RLF: variants seen among roughly 807,000 people sequenced by gnomAD.
The protein encoded by RLF is RLF zinc finger, also known as zinc finger protein Rlf.
Under a neutral mutation model 162.9 loss-of-function variants are expected in RLF, and 7 were observed. That is an observed-to-expected ratio of 0.04 (90% CI 0.02 to 0.08). The LOEUF is 0.08. Ranked by LOEUF, RLF falls within the 10% of genes least tolerant of loss-of-function variation. The pLI is 1.00. For missense variants in RLF, 1,664 were observed against 2,244.7 expected, an observed-to-expected ratio of 0.74 and a Z score of 5.23; for synonymous variants, 782 against 791.5, an observed-to-expected ratio of 0.99 and a Z score of 0.20.
chr1:40,206,128 A>T (rs982857222), intron 5 of RLF, among the ~76,000 whole-genome samples: 3 of 152,114 alleles, frequency 2.0e-5, no homozygotes, highest in African/African-American at 7.2e-5. Flanking sequence ...CAGATTTAAC[A>T]TGTCCGTAAC....
At chr1:40,215,414 G>C (rs1249148635) in intron 5 of RLF, among the ~76,000 whole-genome samples, 3 of 151,938 alleles carry the variant, frequency 2.0e-5, no homozygotes, top group African/African-American at 7.3e-5. Context: ...AATTTTAAAG[G>C]ATTGAAATAC....
chr1:40,178,619 GTTTTTTTTTTTTGTTT>G (rs1485105512), intron 1 of RLF, among the ~76,000 whole-genome samples: 2 of 85,622 alleles, frequency 2.3e-5, no homozygotes, highest in African/African-American at 4.4e-5. Context: ...TGTCTTTGGT[GTTTTTTTTTTTTGTTT>G]TTTTTTTTTT....
Position 40,237,424 on chromosome 1 carries a change from A to G in RLF, c.2722A>G (p.Met908Val), listed in dbSNP as rs140126274. The G allele has an allele frequency of 6.2e-6, 10 of 1,613,734 alleles. No homozygotes were observed. In the East Asian group the frequency reaches 8.9e-5, roughly 14 times the overall value. ...GTTAAGTCATAGCTCTTCAGCTTCA[A>G]TGAATGAAGAGCTAATTGACACACT... ...DQLSHSSSAS[M>V]NEELIDTLDH... The change falls in exon 8 of 8, where the codon ATG (methionine) becomes GTG (valine). Residue 908 changes from methionine to valine, a missense_variant. Physicochemically the swap from Met to Val is conservative, Grantham distance 21. Transcript: ENST00000372771. The surrounding 1 kb of genome is among the most constrained non-coding windows in gnomAD (Gnocchi z 4.4).
At position 40,161,755 on chromosome 1, in the gene RLF, G is replaced by A; in HGVS notation, c.237+119G>A. 7.2e-7 allele frequency: 1 copy of A among 1,390,842 alleles called. No individual in the cohort carries two copies. The highest frequency in any genetic ancestry group is 9.5e-7 in the Non-Finnish European group (1 of 1,050,618). The allele number at this position is 1,390,842 out of a possible 1,614,324, so 86.2% of individuals were successfully genotyped here. Reference sequence around the variant, plus strand: ...AGGCGCCACCTCCGTGACTCGCCGCGCCCCCGGGCCGGGAAGGCCCAGCTC... The same window carrying A: ...AGGCGCCACCTCCGTGACTCGCCGCACCCCCGGGCCGGGAAGGCCCAGCTC... On this transcript the variant is annotated intron_variant, in intron 1 of 7. Transcript: ENST00000372771. The surrounding 1 kb of genome is among the most constrained non-coding windows in gnomAD (Gnocchi z 4.4).
At chr1:40,180,930 C>T (rs554160015) in intron 1 of RLF, among the ~76,000 whole-genome samples, 1 of 152,162 alleles carries the variant, frequency 6.6e-6, no homozygotes, top group Admixed American at 6.5e-5. Context: ...GTTGCTTGTG[C>T]TTTTGGTATC....
At position 40,238,470 on chromosome 1, in the gene RLF, T is replaced by C; in HGVS notation, c.3768T>C (p.Asp1256=). The change falls in exon 8 of 8, where the codon GAT becomes GAC. Residue 1256 remains aspartate (D), a synonymous_variant. Transcript: ENST00000372771. The surrounding 1 kb of genome is among the most constrained non-coding windows in gnomAD (Gnocchi z 5.2). ...PKKDECSSET[D]LESSCEETES... The stretch of plus-strand genomic sequence containing the variant: ...AGGATGAATGTAGTTCTGAAACAGA[T>C]TTGGAATCATCTTGTGAAGAAACAG... The C allele has an allele frequency of 1.9e-6, 3 of 1,614,088 alleles. No homozygotes were observed. Among genetic ancestry groups the C allele is most frequent in the Non-Finnish European group, 1.7e-6 (2 of 1,180,006 alleles).
intron 3 of RLF, among the ~76,000 whole-genome samples, chr1:40,191,961 TCC>T (rs1642566171): frequency 6.6e-6 from 1 of 152,192 alleles, no homozygotes; most frequent in Non-Finnish European, 1.5e-5. Flanking sequence ...GCTAACTACT[TCC>T]TTGAGGACAC....
At chr1:40,198,532 C>T (rs1301062914) in intron 4 of RLF, among the ~76,000 whole-genome samples, 1 of 151,922 alleles carries the variant, frequency 6.6e-6, no homozygotes, top group Non-Finnish European at 1.5e-5. Flanking sequence ...AACTCCTGAC[C>T]GCAGATGATC....
intron 7 of RLF, among the ~76,000 whole-genome samples, chr1:40,232,037 G>A (rs1403628158): frequency 6.6e-6 from 1 of 151,900 alleles, no homozygotes; most frequent in African/African-American, 2.4e-5. Flanking sequence ...GTGAAACCCC[G>A]TCTCTACTAA....
At chr1:40,169,622 CAAAAAAAAAAA>C (rs886534976) in intron 1 of RLF, among the ~76,000 whole-genome samples, 1 of 46,992 alleles carries the variant, frequency 2.1e-5, no homozygotes, top group Non-Finnish European at 4.1e-5. Context: ...GACTCCGTCT[CAAAAAAAAAAA>C]AAAAAAAAAA....
At chr1:40,234,246 G>A (rs1291598205) in intron 7 of RLF, among the ~76,000 whole-genome samples, 3 of 152,102 alleles carry the variant, frequency 2.0e-5, no homozygotes, top group Admixed American at 6.5e-5. Flanking sequence ...CACTGTGCCC[G>A]GCCTAAATGC....
At chr1:40,184,018 A>C (rs1178842087) in intron 1 of RLF, among the ~76,000 whole-genome samples, 1 of 152,224 alleles carries the variant, frequency 6.6e-6, no homozygotes, top group Admixed American at 6.5e-5. Flanking sequence ...GATAGTTTCA[A>C]GGAATAGTCA....
chr1:40,170,450 AG>A (rs1264041175), intron 1 of RLF, among the ~76,000 whole-genome samples: 1 of 151,962 alleles, frequency 6.6e-6, no homozygotes, highest in African/African-American at 2.4e-5. Context: ...TTGTAGAGAT[AG>A]GGTTTCGCCA....
chr1:40,201,067 A>ACCCCCCCCCCCCC (rs1557748763), intron 4 of RLF, among the ~76,000 whole-genome samples: 1 of 134 alleles, frequency 7.5e-3, no homozygotes, highest in Non-Finnish European at 0.017. Flanking sequence ...ACACACACAC[A>ACCCCCCCCCCCCC]CACCCCCCCC....
intron 4 of RLF, among the ~76,000 whole-genome samples, chr1:40,200,650 CTTG>C (rs1200442512): frequency 6.6e-6 from 1 of 151,786 alleles, no homozygotes; most frequent in Non-Finnish European, 1.5e-5. Context: ...AAATTGGAAA[CTTG>C]TTGTTTCTCA....
At chr1:40,205,474 TTTCC>T (rs1164391198) in intron 5 of RLF, among the ~76,000 whole-genome samples, 3 of 150,590 alleles carry the variant, frequency 2.0e-5, no homozygotes, top group Non-Finnish European at 4.4e-5. Flanking sequence ...TATCGAACAT[TTTCC>T]TTCCTTCTTT....
At chr1:40,231,152 A>T (rs2124559457) in intron 6 of RLF, among the ~76,000 whole-genome samples, 1 of 152,340 alleles carries the variant, frequency 6.6e-6, no homozygotes, top group South Asian at 2.1e-4. Flanking sequence ...GTGATGGCTG[A>T]TTATTTCTGC....
At chr1:40,188,948 A>G in intron 1 of RLF, 107 bp from the exon 2 acceptor site, 1 of 630,178 alleles carries the variant, frequency 1.6e-6, no homozygotes, top group Non-Finnish European at 2.6e-6. Context: ...TAAAAGGTAT[A>G]TGCATCTGTT....
At chr1:40,185,382 G>A (rs1642461070) in intron 1 of RLF, among the ~76,000 whole-genome samples, 1 of 149,702 alleles carries the variant, frequency 6.7e-6, no homozygotes, top group South Asian at 2.1e-4. Context: ...CACCTGCCTC[G>A]GCCTCCCAAA....
Sources: gnomAD v4.1 joint callset for allele counts (sites outside exome capture counted in the v4.1 genomes callset) on GRCh38, gnomAD v4.1.1 for gene constraint, Gnocchi (gnomAD v3.1) non-coding constraint, MANE v1.5 for transcripts, NCBI Gene and HGNC (gene_info 2026-07-23, HGNC 2026-07-21) for gene names.